The following PLPP4 variants were observed in gnomAD, a reference collection of about 807,000 sequenced individuals.
PLPP4 encodes the protein phospholipid phosphatase 4, also known as diacylglycerol pyrophosphate like 2.
Under a neutral mutation model 32.2 loss-of-function variants are expected in PLPP4, and 20 were observed. That is an observed-to-expected ratio of 0.62 (90% CI 0.44 to 0.90). The LOEUF (loss-of-function observed/expected upper bound fraction) is 0.90. Among genes scored for constraint, PLPP4 ranks in the 40% least tolerant of loss-of-function variants. The probability of loss-of-function intolerance (pLI) is 0.00; values close to 1 mark genes in which losing one functional copy is unlikely to be tolerated. For missense variants in PLPP4, 257 were observed against 353.1 expected (o/e 0.73, Z 2.18); for synonymous variants, 127 against 133.0 (o/e 0.95, Z 0.31).
intron 5 of PLPP4, among the ~76,000 whole-genome samples, chr10:120,571,742 T>C (rs548674832): frequency 2.6e-5 from 4 of 152,182 alleles, no homozygotes; most frequent in Admixed American, 2.6e-4. Context: ...ACTAATTCAG[T>C]ATGGGTTGGT....
At chr10:120,523,889 T>TC (rs1846278197) in intron 5 of PLPP4, among the ~76,000 whole-genome samples, 2 of 152,186 alleles carry the variant, frequency 1.3e-5, no homozygotes, top group Non-Finnish European at 2.9e-5. Context: ...TCTCAAGCTG[T>TC]CAGACTACTG....
intron 3 of PLPP4, among the ~76,000 whole-genome samples, chr10:120,515,237 A>G (rs1845889088): frequency 6.6e-6 from 1 of 152,204 alleles, no homozygotes; most frequent in African/African-American, 2.4e-5. Context: ...GGCACCTCAC[A>G]GGGACTGGAA....
chr10:120,471,220 G>A lies in PLPP4; in HGVS notation c.56+13859G>A, dbSNP rs76274288. ...AAGGTATGCTATCTCTGTCAAACAA[G>A]AATAATTAAAGCCTTCACATTGTTT... On this transcript the variant is annotated intron_variant, in intron 1 of 6. Transcript: ENST00000398250. Among the ~76,000 whole-genome samples, 990 of 152,198 alleles carry A rather than the reference G, an allele frequency of 6.5e-3. 10 individuals are homozygous for A. The highest frequency in any genetic ancestry group is 0.011 in the Non-Finnish European group (765 of 67,964).
chr10:120,505,937 T>G (rs1272169823), intron 2 of PLPP4, among the ~76,000 whole-genome samples: 1 of 152,240 alleles, frequency 6.6e-6, no homozygotes, highest in African/African-American at 2.4e-5. Flanking sequence ...AAACACAATT[T>G]GGAGATGAAT....
intron 5 of PLPP4, among the ~76,000 whole-genome samples, chr10:120,567,513 G>C (rs1848745105): frequency 6.6e-6 from 1 of 152,210 alleles, no homozygotes; most frequent in Non-Finnish European, 1.5e-5. Context: ...TTAATACCTA[G>C]AAGAGTTCTA....
At chr10:120,507,348 TCATCATCATCATTA>T (rs1379400974) in intron 2 of PLPP4, among the ~76,000 whole-genome samples, 1 of 90,244 alleles carries the variant, frequency 1.1e-5, no homozygotes, top group Admixed American at 1.2e-4. Context: ...AAGTTCTTCA[TCATCATCATCATTA>T]TCATCATCAT....
chr10:120,510,989 G>A (rs2133884643), intron 2 of PLPP4, among the ~76,000 whole-genome samples: 1 of 152,340 alleles, frequency 6.6e-6, no homozygotes, highest in African/African-American at 2.4e-5. Flanking sequence ...GCATTTTGAA[G>A]GCTGCATTCC....
upstream of PLPP4, chr10:120,457,082 T>A (rs1405985387): frequency 4.8e-6 from 1 of 208,840 alleles, no homozygotes; most frequent in Non-Finnish European, 9.4e-6. Flanking sequence ...GTCCGCAGTA[T>A]CGCCAGCGGC....
Position 120,590,283 on chromosome 10 carries a change from A to C in PLPP4, c.*781A>C, listed in dbSNP as rs1589947615. The stretch of plus-strand genomic sequence containing the variant: ...TGAATTTTTGGGGCACGGGGGCTTT[A>C]CTTGGCTCTTCTGCAAGAAGTGATG... On this transcript the variant is annotated 3_prime_UTR_variant, in exon 7 of 7. Transcript: ENST00000398250. Among the ~76,000 whole-genome samples, 1 of 152,180 alleles carries C rather than the reference A, an allele frequency of 6.6e-6. No homozygotes were observed. Among genetic ancestry groups the C allele is most frequent in the African/African-American group, 2.4e-5 (1 of 41,452 alleles).
intron 5 of PLPP4, among the ~76,000 whole-genome samples, chr10:120,574,162 A>ACACACACACT (rs1849082295): frequency 9.6e-6 from 1 of 104,108 alleles, no homozygotes; most frequent in Admixed American, 1.1e-4. Context: ...ACACACACAC[A>ACACACACACT]CACACACTCT....
At chr10:120,547,248 T>C in intron 5 of PLPP4, among the ~76,000 whole-genome samples, 1 of 151,822 alleles carries the variant, frequency 6.6e-6, no homozygotes, top group South Asian at 2.1e-4. Context: ...ATAAATGCCT[T>C]TCAAAGAAAG....
At chr10:120,509,909 T>C (rs1375565090) in intron 2 of PLPP4, among the ~76,000 whole-genome samples, 1 of 152,224 alleles carries the variant, frequency 6.6e-6, no homozygotes, top group African/African-American at 2.4e-5. Flanking sequence ...ATGTTTACTT[T>C]CTAGGGTAGG....
intron 1 of PLPP4, among the ~76,000 whole-genome samples, chr10:120,491,914 G>T (rs1238624099): frequency 1.3e-5 from 2 of 152,160 alleles, no homozygotes; most frequent in South Asian, 2.1e-4. Flanking sequence ...AATACCTGAT[G>T]AAATTAATAA....
chr10:120,478,321 C>T (rs1844029411), intron 1 of PLPP4, among the ~76,000 whole-genome samples: 1 of 152,192 alleles, frequency 6.6e-6, no homozygotes, highest in African/African-American at 2.4e-5. Context: ...CTTCCAGGCC[C>T]AGATACTTGG....
intron 2 of PLPP4, among the ~76,000 whole-genome samples, chr10:120,504,995 C>T (rs909402609): frequency 2.0e-5 from 3 of 152,270 alleles, no homozygotes; most frequent in African/African-American, 7.2e-5. Flanking sequence ...CTCAATGCCA[C>T]ATGGCAATTG....
intron 1 of PLPP4, among the ~76,000 whole-genome samples, chr10:120,462,782 G>A (rs184957450): frequency 5.8e-4 from 86 of 147,582 alleles, no homozygotes; most frequent in African/African-American, 2.0e-3. Context: ...CCTTCCATCC[G>A]CTGCCTTTGG....
chr10:120,552,970 G>A (rs1847979110), intron 5 of PLPP4, among the ~76,000 whole-genome samples: 1 of 152,144 alleles, frequency 6.6e-6, no homozygotes, highest in African/African-American at 2.4e-5. Context: ...GCTTGAGAGG[G>A]GCATGGACAT....
chr10:120,544,437 G>C (rs1216397926), intron 5 of PLPP4, among the ~76,000 whole-genome samples: 1 of 152,166 alleles, frequency 6.6e-6, no homozygotes, highest in Non-Finnish European at 1.5e-5. Flanking sequence ...GCCCATTCCT[G>C]CTGCTAAGCT....
intron 2 of PLPP4, among the ~76,000 whole-genome samples, chr10:120,507,994 T>A (rs1845575593): frequency 6.6e-6 from 1 of 152,194 alleles, no homozygotes. Context: ...GCAAATTTTT[T>A]CCTTGGCTTC....
Sources: gnomAD v4.1 joint callset for allele counts (sites outside exome capture counted in the v4.1 genomes callset) on GRCh38, gnomAD v4.1.1 for gene constraint, MANE v1.5 for transcripts, NCBI Gene and HGNC (gene_info 2026-07-23, HGNC 2026-07-21) for gene names.